ARHGAP20: variants seen among roughly 807,000 people sequenced by gnomAD.
ARHGAP20 encodes the protein Rho GTPase activating protein 20.
ARHGAP20 carries 34 observed loss-of-function variants against 73.7 expected under a neutral mutation model. The ratio of observed to expected loss-of-function variants is 0.46; its 90% CI spans 0.35 to 0.61. The LOEUF (loss-of-function observed/expected upper bound fraction) is 0.61. Among genes scored for constraint, ARHGAP20 ranks in the 20% least tolerant of loss-of-function variants. The pLI is 0.00. For synonymous variants in ARHGAP20, 523 were observed against 518.2 expected (o/e 1.01, Z -0.13); for missense variants, 1,314 against 1,420.9 (o/e 0.92, Z 1.21).
chr11:110,621,528 C>A (rs978485440), intron 4 of ARHGAP20, among the ~76,000 whole-genome samples: 1 of 151,938 alleles, frequency 6.6e-6, no homozygotes, highest in Non-Finnish European at 1.5e-5. Flanking sequence ...CTTTCATTTC[C>A]ATTCTGCAAA....
intron 9 of ARHGAP20, among the ~76,000 whole-genome samples, chr11:110,603,337 A>T (rs1948151353): frequency 6.6e-6 from 1 of 152,200 alleles, no homozygotes; most frequent in Non-Finnish European, 1.5e-5. Context: ...CTATTAATGG[A>T]CACTAAATGG....
chr11:110,670,056 G>C (rs753119689), intron 2 of ARHGAP20, among the ~76,000 whole-genome samples: 4 of 152,066 alleles, frequency 2.6e-5, no homozygotes, highest in Non-Finnish European at 5.9e-5. Context: ...ATTGCCTGAG[G>C]ATAGGTTGGC....
chr11:110,694,034 A>C (rs1950291338), intron 1 of ARHGAP20, among the ~76,000 whole-genome samples: 2 of 151,926 alleles, frequency 1.3e-5, no homozygotes, highest in Non-Finnish European at 1.5e-5. Context: ...TAAACTATAC[A>C]TTTAGGCAAA....
intron 14 of ARHGAP20, 107 bp downstream of exon 14, chr11:110,582,214 C>T: frequency 1.1e-6 from 1 of 905,164 alleles, no homozygotes; most frequent in Non-Finnish European, 1.8e-6. Flanking sequence ...ATCAGAGGCT[C>T]CTTTCACTTC....
chr11:110,628,886 A>G (rs1341383789), intron 3 of ARHGAP20, among the ~76,000 whole-genome samples: 1 of 152,180 alleles, frequency 6.6e-6, no homozygotes, highest in Non-Finnish European at 1.5e-5. Context: ...TTCTAGTGGA[A>G]AAGAAACTGT....
chr11:110,577,271 TGGA>T lies in ARHGAP20; in HGVS notation c.*2096_*2098del, dbSNP rs948336441. The T allele has an allele frequency of 2.1e-6, 3 of 1,403,300 alleles. No homozygotes were observed. The highest frequency in any genetic ancestry group is 2.8e-6 in the Non-Finnish European group (3 of 1,076,140). 86.9% of individuals were successfully genotyped at this position (1,403,300 alleles called of 1,614,324 possible). ...ATCAGTCTAATATATTATAGATTGA[TGGA>T]GTATAATAAAATGACATATAGTCTG... is the stretch of plus-strand genomic sequence containing the variant. On this transcript the variant is annotated 3_prime_UTR_variant, in exon 15 of 15. Coordinates refer to ENST00000683387, the MANE Select transcript of ARHGAP20 (RefSeq NM_001384657.1).
Position 110,577,387 on chromosome 11 carries a change from T to C in ARHGAP20, c.*1983A>G. 1.7e-6 allele frequency: 2 copies of C among 1,184,014 alleles called. No individual in the cohort carries two copies. The highest frequency in any genetic ancestry group is 1.0e-6 in the Non-Finnish European group (1 of 958,078). 73.3% of individuals were successfully genotyped at this position (1,184,014 alleles called of 1,614,324 possible). ...ACAGGAGTATCTAAGGGAACACAGA[T>C]AGTAGGAATGGTTATTAAAAAACCT... On this transcript the variant is annotated 3_prime_UTR_variant, in exon 15 of 15. Transcript: ENST00000683387.
intron 3 of ARHGAP20, among the ~76,000 whole-genome samples, chr11:110,625,890 A>G (rs1277778446): frequency 6.6e-6 from 1 of 152,242 alleles, no homozygotes; most frequent in Admixed American, 6.5e-5. Context: ...AGTATCCCTA[A>G]AAATTCCTCT....
intron 2 of ARHGAP20, among the ~76,000 whole-genome samples, chr11:110,643,755 G>A (rs762436884): frequency 2.0e-5 from 3 of 152,010 alleles, no homozygotes; most frequent in Non-Finnish European, 4.4e-5. Flanking sequence ...AGAGTATTCT[G>A]TGGGTGTCTA....
chr11:110,596,854 C>T (rs558244031), intron 9 of ARHGAP20, among the ~76,000 whole-genome samples: 34 of 152,142 alleles, frequency 2.2e-4, no homozygotes, highest in African/African-American at 3.9e-4. Flanking sequence ...ATGTTTATTG[C>T]GGCACTATTC....
At chr11:110,694,707 G>A (rs866166448) in intron 1 of ARHGAP20, among the ~76,000 whole-genome samples, 1 of 151,554 alleles carries the variant, frequency 6.6e-6, no homozygotes, top group African/African-American at 2.4e-5. Context: ...CTAGAGAGCA[G>A]GGGCTATATC....
intron 2 of ARHGAP20, among the ~76,000 whole-genome samples, chr11:110,646,719 AATTT>A: frequency 6.6e-6 from 1 of 152,248 alleles, no homozygotes; most frequent in Non-Finnish European, 1.5e-5. Context: ...ATTTACAAAT[AATTT>A]ATTCAGTCAC....
intron 2 of ARHGAP20, among the ~76,000 whole-genome samples, chr11:110,665,753 A>C (rs1027244905): frequency 3.3e-5 from 5 of 152,202 alleles, no homozygotes; most frequent in African/African-American, 1.2e-4. Context: ...CGAGGAAATT[A>C]CCTGAGGCTG....
chr11:110,682,363 A>G (rs1326300852), intron 2 of ARHGAP20, among the ~76,000 whole-genome samples: 5 of 152,134 alleles, frequency 3.3e-5, no homozygotes, highest in Non-Finnish European at 1.5e-5. Flanking sequence ...TTAAAATCCT[A>G]TGAGGTAGGT....
chr11:110,609,067 T>C lies in ARHGAP20; in HGVS notation c.709-17A>G, dbSNP rs1948303567. 1 of 1,605,304 alleles carries C rather than the reference T, an allele frequency of 6.2e-7. No homozygotes were observed. The highest frequency in any genetic ancestry group is 1.1e-5 in the South Asian group (1 of 89,220). ...CTCAGAGCCCTTAGAGATAAAAGAG[T>C]TAAATGTCACAATAAATCTTTCACA... On this transcript the variant is annotated splice_polypyrimidine_tract_variant and intron_variant, in intron 7 of 14. Transcript: ENST00000683387.
At chr11:110,619,631 A>AGT (rs1948580838) in intron 4 of ARHGAP20, among the ~76,000 whole-genome samples, 1 of 151,788 alleles carries the variant, frequency 6.6e-6, no homozygotes, top group African/African-American at 2.4e-5. Flanking sequence ...GCAGTGATAG[A>AGT]GTATATGCAG....
At chr11:110,706,188 C>T (rs1214095736) in intron 1 of ARHGAP20, among the ~76,000 whole-genome samples, 1 of 152,036 alleles carries the variant, frequency 6.6e-6, no homozygotes, top group African/African-American at 2.4e-5. Context: ...TAATTTAAAC[C>T]TACTCTCCCC....
At chr11:110,673,528 T>C (rs1425040211) in intron 2 of ARHGAP20, among the ~76,000 whole-genome samples, 1 of 152,076 alleles carries the variant, frequency 6.6e-6, no homozygotes, top group African/African-American at 2.4e-5. Flanking sequence ...TAAAACAACA[T>C]TTTAACTGAC....
chr11:110,633,606 A>C (rs530899882), intron 2 of ARHGAP20, among the ~76,000 whole-genome samples: 2 of 151,920 alleles, frequency 1.3e-5, no homozygotes, highest in Non-Finnish European at 2.9e-5. Context: ...TTTGAATTTT[A>C]CTCTTTTCCT....
Sources: allele counts gnomAD v4.1 joint callset (sites outside exome capture counted in the v4.1 genomes callset), GRCh38; gene constraint gnomAD v4.1.1; transcripts MANE v1.5; gene names NCBI Gene and HGNC (gene_info 2026-07-23, HGNC 2026-07-21).